Variants in HIP1 observed in about 807,000 individuals in gnomAD.
HIP1 encodes huntingtin interacting protein 1.
A neutral mutation model predicts 147.6 loss-of-function variants in HIP1; 65 were observed. The ratio of observed to expected loss-of-function variants is 0.44; its 90% CI spans 0.36 to 0.54. The LOEUF is 0.54. Among genes scored for constraint, HIP1 ranks in the 20% least tolerant of loss-of-function variants. The pLI, the probability that HIP1 is intolerant of heterozygous loss-of-function variation, is 0.00. For missense variants in HIP1, 1,061 were observed against 1,299.6 expected (o/e 0.82, Z 2.82); for synonymous variants, 479 against 504.0 (o/e 0.95, Z 0.67).
chr7:75,564,922 G>T (rs1372087700), intron 9 of HIP1, among the ~76,000 whole-genome samples: 1 of 151,768 alleles, frequency 6.6e-6, no homozygotes, highest in Non-Finnish European at 1.5e-5. Flanking sequence ...TAGAGACAAG[G>T]TCTTGCTGTG....
At chr7:75,588,796 C>A (rs1554500043) in intron 4 of HIP1, among the ~76,000 whole-genome samples, 1 of 151,410 alleles carries the variant, frequency 6.6e-6, no homozygotes, top group African/African-American at 2.4e-5. Flanking sequence ...CAACCACCTT[C>A]CCCCGCAAAA....
chr7:75,647,448 A>G (rs1217034694), intron 1 of HIP1, among the ~76,000 whole-genome samples: 1 of 152,096 alleles, frequency 6.6e-6, no homozygotes, highest in Admixed American at 6.6e-5. Context: ...CATGTGCCTC[A>G]GCCTCAGTTT....
intron 7 of HIP1, among the ~76,000 whole-genome samples, chr7:75,579,464 G>A (rs1795960515): frequency 6.6e-6 from 1 of 151,958 alleles, no homozygotes; most frequent in Non-Finnish European, 1.5e-5. Context: ...GCTAATTTTT[G>A]TATTTTTAGT....
Position 75,694,505 on chromosome 7 carries a change from C to CT in HIP1, c.120+44295dup, listed in dbSNP as rs11286111. Among the ~76,000 whole-genome samples the CT allele has an allele frequency of 3.9e-3, 458 of 117,506 alleles. 3 individuals carry two copies. Among genetic ancestry groups the CT allele is most frequent in the East Asian group, 0.011 (49 of 4,376 alleles). 77.1% of individuals were successfully genotyped at this position (117,506 alleles called of 152,430 possible). Reference sequence around the variant, plus strand: ...TTTTTTCTTTTTCTTTTCTTTCTTTCTTTTTTTTTTTTTTTTGAGGAGGGG... The same window carrying CT: ...TTTTTTCTTTTTCTTTTCTTTCTTTCTTTTTTTTTTTTTTTTTGAGGAGGGG... On this transcript the variant is annotated intron_variant, in intron 1 of 30. Transcript: ENST00000336926.
chr7:75,546,999 A>G lies in HIP1; in HGVS notation c.2499T>C (p.Ala833=). 6.3e-7 allele frequency: 1 copy of G among 1,588,274 alleles called. No individual in the cohort carries two copies. The highest frequency in any genetic ancestry group is 8.6e-7 in the Non-Finnish European group (1 of 1,166,412). Residue 833 remains alanine (A), a synonymous_variant, in exon 25 of 31, where the codon GCT becomes GCC. Transcript: ENST00000336926. ...TAGAGGCCACGATGAGCACCTGAAT[A>G]GCTTGCATGAGGCTGGTACAGCAAC... ...ILGCCTSLMQ[A]IQVLIVASKD...
At chr7:75,737,740 A>C (rs1469833881) in intron 1 of HIP1, among the ~76,000 whole-genome samples, 2 of 151,994 alleles carry the variant, frequency 1.3e-5, no homozygotes, top group Non-Finnish European at 2.9e-5. Context: ...TTTCCCTCCA[A>C]CTGTGTTTGG....
chr7:75,597,767 C>CTGCT (rs2116999823), intron 2 of HIP1, among the ~76,000 whole-genome samples: 2 of 150,662 alleles, frequency 1.3e-5, no homozygotes, highest in Non-Finnish European at 3.0e-5. Context: ...AGTCCCAACT[C>CTGCT]TGCTTGCCCG....
intron 4 of HIP1, among the ~76,000 whole-genome samples, chr7:75,589,163 A>G (rs587688151): frequency 2.1e-4 from 32 of 151,048 alleles, no homozygotes; most frequent in Non-Finnish European, 2.9e-5. Context: ...AAAAAAAAAA[A>G]AGAAGAAGAA....
chr7:75,546,955 A>T lies in HIP1; in HGVS notation c.2543T>A (p.Ile848Asn). The change falls in exon 25 of 31, where the codon ATT (isoleucine) becomes AAT (asparagine). Residue 848 changes from isoleucine (I) to asparagine (N), a missense_variant. Physicochemically the swap from Ile to Asn is moderately radical, Grantham distance 149. Around this residue, in one of 3 missense-constraint regions of HIP1, gnomAD observed 810 missense variants for 946.8 expected, o/e 0.86. Transcript: ENST00000336926. ...IVASKDLQRE[I>N]VESGRGTASP... ...CACGCTCACCCTGCCGCTCTCCACAATCTCTCTCTGGAGGTCCTTAGAGGC... is the reference window on the plus strand; with the variant it reads ...CACGCTCACCCTGCCGCTCTCCACATTCTCTCTCTGGAGGTCCTTAGAGGC... The T allele has an allele frequency of 6.4e-7, 1 of 1,574,638 alleles. No individual in the cohort carries two copies. Among genetic ancestry groups the T allele is most frequent in the Non-Finnish European group, 8.6e-7 (1 of 1,158,808 alleles).
intron 5 of HIP1, among the ~76,000 whole-genome samples, chr7:75,584,857 T>C (rs1215538357): frequency 6.6e-6 from 1 of 151,544 alleles, no homozygotes; most frequent in East Asian, 1.9e-4. Context: ...ACACTTTTTT[T>C]TTTTTTTTTG....
chr7:75,667,619 G>A (rs2117235846), intron 1 of HIP1, among the ~76,000 whole-genome samples: 1 of 152,244 alleles, frequency 6.6e-6, no homozygotes, highest in South Asian at 2.1e-4. Context: ...CCAAGTAGCT[G>A]AGGCTACACG....
chr7:75,669,338 A>G (rs1319541296), intron 1 of HIP1, among the ~76,000 whole-genome samples: 1 of 152,140 alleles, frequency 6.6e-6, no homozygotes, highest in Non-Finnish European at 1.5e-5. Flanking sequence ...ATGCCACTGC[A>G]CTCTAGCCTG....
At chr7:75,667,044 A>G (rs2117234580) in intron 1 of HIP1, among the ~76,000 whole-genome samples, 1 of 152,310 alleles carries the variant, frequency 6.6e-6, no homozygotes, top group Non-Finnish European at 1.5e-5. Flanking sequence ...GACACTGGAA[A>G]GAAATATGCT....
At chr7:75,639,849 G>C (rs1798589732) in intron 1 of HIP1, among the ~76,000 whole-genome samples, 1 of 152,092 alleles carries the variant, frequency 6.6e-6, no homozygotes, top group Non-Finnish European at 1.5e-5. Flanking sequence ...AATGAGACTG[G>C]GGTCTCCAAA....
chr7:75,616,085 CAAAAAAAAAAAAA>C (rs71098042), intron 1 of HIP1, among the ~76,000 whole-genome samples: 1 of 35,322 alleles, frequency 2.8e-5, no homozygotes. Flanking sequence ...GACTCTGTCT[CAAAAAAAAAAAAA>C]AAAAAAAAGA....
Position 75,536,859 on chromosome 7 carries a change from T to C in HIP1, c.*1313A>G. Reference sequence around the variant, plus strand: ...AAGTTCTGATTGCTCCAAGCATCTCTTTGTAGGCTGTTGCTGCTTAAGGGA... The same window carrying C: ...AAGTTCTGATTGCTCCAAGCATCTCCTTGTAGGCTGTTGCTGCTTAAGGGA... On this transcript the variant is annotated 3_prime_UTR_variant, in exon 31 of 31. Coordinates refer to ENST00000336926, the MANE Select transcript of HIP1 (RefSeq NM_005338.7). 4.3e-6 allele frequency: 1 copy of C among 230,736 alleles called. No individual in the cohort carries two copies. Among genetic ancestry groups the C allele is most frequent in the Non-Finnish European group, 8.6e-6 (1 of 116,466 alleles). 14.3% of individuals were successfully genotyped at this position (230,736 alleles called of 1,614,324 possible).
chr7:75,666,687 G>A (rs1349771679), intron 1 of HIP1, among the ~76,000 whole-genome samples: 1 of 152,170 alleles, frequency 6.6e-6, no homozygotes, highest in Non-Finnish European at 1.5e-5. Flanking sequence ...AGGATGGAAG[G>A]CAAGGACGCT....
intron 1 of HIP1, among the ~76,000 whole-genome samples, chr7:75,609,009 C>G (rs1225547176): frequency 6.6e-6 from 1 of 152,138 alleles, no homozygotes; most frequent in Non-Finnish European, 1.5e-5. Flanking sequence ...TGGGGAACAC[C>G]GTGGGAGTCA....
intron 1 of HIP1, among the ~76,000 whole-genome samples, chr7:75,638,776 G>C (rs1033956321): frequency 6.6e-6 from 1 of 152,086 alleles, no homozygotes; most frequent in Non-Finnish European, 1.5e-5. Context: ...GGTGGGCGGC[G>C]AGCCCCGCAG....
Sources: allele counts gnomAD v4.1 joint callset (sites outside exome capture counted in the v4.1 genomes callset), GRCh38; gene constraint gnomAD v4.1.1; regional missense constraint gnomAD v4.1.1; transcripts MANE v1.5; gene names NCBI Gene and HGNC (gene_info 2026-07-23, HGNC 2026-07-21).